HCN1: variants seen among roughly 807,000 people sequenced by gnomAD.
HCN1 encodes hyperpolarization activated cyclic nucleotide gated potassium channel 1.
HCN1 carries 13 observed loss-of-function variants against 78.9 expected under a neutral mutation model. The observed-to-expected ratio is 0.16, with a 90% CI of 0.11 to 0.26. The LOEUF is 0.26. Among genes scored for constraint, HCN1 ranks in the 10% least tolerant of loss-of-function variants. The pLI is 1.00. For synonymous variants in HCN1, 552 were observed against 455.5 expected, an observed-to-expected ratio of 1.21 and a Z score of -2.70; for missense variants, 810 against 1,154.3, an observed-to-expected ratio of 0.70 and a Z score of 4.32.
chr5:45,574,259 C>T (rs1303109244), intron 2 of HCN1, among the ~76,000 whole-genome samples: 1 of 152,050 alleles, frequency 6.6e-6, no homozygotes, highest in Admixed American at 6.6e-5. Flanking sequence ...GCCATTTTTA[C>T]AATAGTATGT....
intron 4 of HCN1, among the ~76,000 whole-genome samples, chr5:45,387,832 A>G (rs1747958052): frequency 6.6e-6 from 1 of 152,180 alleles, no homozygotes; most frequent in Admixed American, 6.6e-5. Flanking sequence ...TCTTATGCAT[A>G]CATACCTATG....
At chr5:45,678,256 C>G (rs980487420) in intron 1 of HCN1, among the ~76,000 whole-genome samples, 1 of 151,880 alleles carries the variant, frequency 6.6e-6, no homozygotes, top group Non-Finnish European at 1.5e-5. Flanking sequence ...CTCAGAGGTA[C>G]AACGGTACCA....
At chr5:45,367,506 T>C (rs1747259770) in intron 4 of HCN1, among the ~76,000 whole-genome samples, 1 of 151,856 alleles carries the variant, frequency 6.6e-6, no homozygotes, top group Non-Finnish European at 1.5e-5. Flanking sequence ...CTCAGGAAAG[T>C]AGCATAACCA....
At chr5:45,440,431 C>T (rs1406170594) in intron 3 of HCN1, among the ~76,000 whole-genome samples, 1 of 152,146 alleles carries the variant, frequency 6.6e-6, no homozygotes, top group Non-Finnish European at 1.5e-5. Context: ...TTCATAGCTG[C>T]TTCTTCCTTC....
intron 5 of HCN1, among the ~76,000 whole-genome samples, chr5:45,315,978 C>A (rs968509498): frequency 6.6e-6 from 1 of 152,146 alleles, no homozygotes; most frequent in African/African-American, 2.4e-5. Flanking sequence ...CTGAATTCTA[C>A]CAGAGGTAGA....
chr5:45,340,339 G>T (rs1442569716), intron 5 of HCN1, among the ~76,000 whole-genome samples: 1 of 152,118 alleles, frequency 6.6e-6, no homozygotes, highest in Non-Finnish European at 1.5e-5. Flanking sequence ...CACATTACTA[G>T]GGTTCATTTT....
At chr5:45,653,836 G>T (rs1338150278) in intron 1 of HCN1, among the ~76,000 whole-genome samples, 2 of 151,992 alleles carry the variant, frequency 1.3e-5, no homozygotes, top group Non-Finnish European at 2.9e-5. Context: ...GAGTTAGTGG[G>T]TGCAGCGCAC....
At chr5:45,653,699 C>T (rs1158618621) in intron 1 of HCN1, among the ~76,000 whole-genome samples, 1 of 151,790 alleles carries the variant, frequency 6.6e-6, no homozygotes, top group African/African-American at 2.4e-5. Flanking sequence ...ATAAATACGA[C>T]CATAGGTGGG....
intron 2 of HCN1, among the ~76,000 whole-genome samples, chr5:45,533,751 G>A (rs941767983): frequency 1.3e-5 from 2 of 152,164 alleles, no homozygotes; most frequent in Admixed American, 6.5e-5. Flanking sequence ...CCCATAAAGA[G>A]CAGAGGCTGA....
At chr5:45,690,827 A>G (rs1287423078) in intron 1 of HCN1, among the ~76,000 whole-genome samples, 1 of 152,084 alleles carries the variant, frequency 6.6e-6, no homozygotes, top group Admixed American at 6.6e-5. Flanking sequence ...CTCTTCATGT[A>G]GTGCTAATGA....
intron 5 of HCN1, among the ~76,000 whole-genome samples, chr5:45,336,818 C>T (rs554295513): frequency 6.6e-6 from 1 of 152,068 alleles, no homozygotes; most frequent in East Asian, 1.9e-4. Flanking sequence ...GCTGTGTTCT[C>T]CTCATATGGC....
chr5:45,597,409 G>T (rs531724232), intron 2 of HCN1, among the ~76,000 whole-genome samples: 1 of 152,288 alleles, frequency 6.6e-6, no homozygotes, highest in East Asian at 1.9e-4. Flanking sequence ...GGTATTGATA[G>T]AACATATCTC....
At position 45,406,045 on chromosome 5, in the gene HCN1, A is replaced by G. The variant is rs1739912935; in HGVS notation, c.1012-9335T>C. On this transcript the variant is annotated intron_variant, in intron 3 of 7. Transcript: ENST00000303230. Reference sequence around the variant, plus strand: ...TTTCTTATTTTTTTGATATTGGTACATTATTTTAAAAATAAAAATTAAACA... The same window carrying G: ...TTTCTTATTTTTTTGATATTGGTACGTTATTTTAAAAATAAAAATTAAACA... Among the ~76,000 whole-genome samples, 3 of 152,136 alleles carry G rather than the reference A, an allele frequency of 2.0e-5. No homozygotes were observed. In the South Asian group the frequency reaches 6.2e-4, roughly 31 times the overall value.
At chr5:45,379,555 C>A (rs1258370972) in intron 4 of HCN1, among the ~76,000 whole-genome samples, 1 of 152,046 alleles carries the variant, frequency 6.6e-6, no homozygotes, top group East Asian at 1.9e-4. Flanking sequence ...CTGTATAATT[C>A]ATCCAAAGAC....
At chr5:45,451,669 T>C (rs576780290) in intron 3 of HCN1, among the ~76,000 whole-genome samples, 3 of 152,032 alleles carry the variant, frequency 2.0e-5, no homozygotes, top group Admixed American at 2.0e-4. Context: ...AAAAATCTTT[T>C]TTTTAAAAAA....
chr5:45,576,157 G>A (rs1164568662), intron 2 of HCN1: 1 of 152,080 alleles, frequency 6.6e-6, no homozygotes, highest in African/African-American at 2.4e-5. Context: ...AAAAGAACTA[G>A]AATTAGAAGT....
chr5:45,494,859 T>A (rs1347725793), intron 2 of HCN1, among the ~76,000 whole-genome samples: 5 of 152,208 alleles, frequency 3.3e-5, no homozygotes, highest in African/African-American at 1.2e-4. Flanking sequence ...AATAGGGAAT[T>A]CTTTCCCCAT....
At chr5:45,514,368 C>T (rs1339984331) in intron 2 of HCN1, among the ~76,000 whole-genome samples, 1 of 152,082 alleles carries the variant, frequency 6.6e-6, no homozygotes, top group African/African-American at 2.4e-5. Flanking sequence ...AAAGCCGTCT[C>T]TTCCAATATT....
chr5:45,316,279 A>C (rs1169206051), intron 5 of HCN1, among the ~76,000 whole-genome samples: 2 of 152,196 alleles, frequency 1.3e-5, no homozygotes, highest in African/African-American at 4.8e-5. Context: ...CAATAAATGT[A>C]ATCCAGAATA....
Sources: allele counts gnomAD v4.1 joint callset (sites outside exome capture counted in the v4.1 genomes callset), GRCh38; gene constraint gnomAD v4.1.1; transcripts MANE v1.5; gene names NCBI Gene and HGNC (gene_info 2026-07-23, HGNC 2026-07-21).